ERCC6: variants seen among roughly 807,000 people sequenced by gnomAD.
The protein encoded by ERCC6 is DNA excision repair protein ERCC-6.
In ERCC6, 116 loss-of-function variants were observed where a neutral mutation model predicts 158.7. The observed-to-expected ratio is 0.73, with a 90% CI of 0.63 to 0.85. The LOEUF is 0.85. ERCC6 is among the 40% of genes least tolerant of loss of function. The pLI, the probability that ERCC6 is intolerant of heterozygous loss-of-function variation, is 0.00. For missense variants in ERCC6, 1,698 were observed against 1,799.4 expected, an observed-to-expected ratio of 0.94 and a Z score of 1.02; for synonymous variants, 678 against 659.3, an observed-to-expected ratio of 1.03 and a Z score of -0.43.
intron 1 of ERCC6, among the ~76,000 whole-genome samples, chr10:49,537,135 G>A (rs947359023): frequency 1.3e-5 from 2 of 152,106 alleles, no homozygotes; most frequent in African/African-American, 2.4e-5. Flanking sequence ...CACGAGGTCA[G>A]AAGTTCGAGA....
rs1293406842 is a variant in ERCC6, at chr10:49,524,026, G to A, written c.1397+7C>T. On this transcript the variant is annotated splice_region_variant and intron_variant, in intron 5 of 20. Coordinates refer to ENST00000355832, the MANE Select transcript of ERCC6 (RefSeq NM_000124.4). ...GTACAATGTATTTATAATCCCCACA[G>A]ACCGACCTTAACCGCTGCTTATAAT... 2 of 1,612,678 alleles carry A rather than the reference G, an allele frequency of 1.2e-6. No individual in the cohort carries two copies. The highest frequency in any genetic ancestry group is 2.2e-5 in the East Asian group (1 of 44,894).
At chr10:49,507,335 A>T (rs1459090322) in intron 5 of ERCC6, among the ~76,000 whole-genome samples, 1 of 152,206 alleles carries the variant, frequency 6.6e-6, no homozygotes, top group East Asian at 1.9e-4. Flanking sequence ...AATAAGATCA[A>T]TGAAGCACTG....
intron 18 of ERCC6, among the ~76,000 whole-genome samples, chr10:49,462,276 T>G (rs1469602324): frequency 6.6e-6 from 1 of 152,138 alleles, no homozygotes; most frequent in African/African-American, 2.4e-5. Context: ...AAAACTTATT[T>G]GAAATAAATG....
At chr10:49,514,924 A>G (rs1836902325) in intron 5 of ERCC6, among the ~76,000 whole-genome samples, 1 of 152,206 alleles carries the variant, frequency 6.6e-6, no homozygotes. Context: ...TAATTGGCAA[A>G]TCTGAGCAGA....
intron 5 of ERCC6, chr10:49,515,196 A>T: frequency 7.6e-7 from 1 of 1,310,238 alleles, no homozygotes; most frequent in African/African-American, 1.5e-5. Context: ...AAGGAACAAA[A>T]ATTTGAAGAG....
the ERCC6 span, among the ~76,000 whole-genome samples, chr10:49,439,811 GTTCAA>G: frequency 6.6e-6 from 1 of 152,128 alleles, no homozygotes; most frequent in Non-Finnish European, 1.5e-5. Flanking sequence ...TTGCTCTCAA[GTTCAA>G]AGTCCCACAC....
intron 8 of ERCC6, among the ~76,000 whole-genome samples, chr10:49,486,802 G>A (rs1488838680): frequency 6.6e-6 from 1 of 152,224 alleles, no homozygotes; most frequent in Non-Finnish European, 1.5e-5. Context: ...AGTAGGACTA[G>A]ATCCTATTAC....
chr10:49,511,668 TG>T (rs1463553561), intron 5 of ERCC6, among the ~76,000 whole-genome samples: 1 of 152,192 alleles, frequency 6.6e-6, no homozygotes, highest in Non-Finnish European at 1.5e-5. Flanking sequence ...TCAAGTGATC[TG>T]CCTGCCTTGC....
At chr10:49,465,605 TGGG>T (rs1850661260) in intron 18 of ERCC6, among the ~76,000 whole-genome samples, 1 of 152,176 alleles carries the variant, frequency 6.6e-6, no homozygotes, top group Non-Finnish European at 1.5e-5. Flanking sequence ...CCACATGTCA[TGGG>T]AGGAATCTGG....
intron 8 of ERCC6, among the ~76,000 whole-genome samples, chr10:49,484,648 G>A (rs1283364294): frequency 1.3e-5 from 2 of 152,164 alleles, no homozygotes; most frequent in Non-Finnish European, 2.9e-5. Flanking sequence ...GCTCAGGCAA[G>A]AAGATCCCTT....
At chr10:49,491,672 T>C (rs1851175361) in intron 8 of ERCC6, among the ~76,000 whole-genome samples, 1 of 152,214 alleles carries the variant, frequency 6.6e-6, no homozygotes, top group African/African-American at 2.4e-5. Context: ...CTTCAAACTA[T>C]GGTGACAAAG....
At position 49,455,501 on chromosome 10, in the gene ERCC6, T is replaced by C. The variant is rs1186544061; in HGVS notation, c.*3314A>G. On this transcript the variant is annotated 3_prime_UTR_variant, in exon 21 of 21. Transcript: ENST00000355832. ...CTTGCCCATGAATGGCAAAACACAA[T>C]GCAAAGCACCAAATGACAGCGTGAG... The C allele has an allele frequency of 1.3e-5, 2 of 152,158 alleles. No homozygotes were observed. Among genetic ancestry groups the C allele is most frequent in the African/African-American group, 2.4e-5 (1 of 41,428 alleles). The allele number at this position is 152,158 out of a possible 1,614,324, so 9.4% of individuals were successfully genotyped here.
In ERCC6 at chr10:49,455,289, C is replaced by T. The variant is rs1346116097; in HGVS notation, c.*3526G>A. ...TTTAATAAAATGAGGCCTATCATAA[C>T]ACTAATCAGAAACATTATATTAATT... On this transcript the variant is annotated 3_prime_UTR_variant, in exon 21 of 21. Coordinates refer to ENST00000355832, the MANE Select transcript of ERCC6 (RefSeq NM_000124.4). 2 of 152,148 alleles carry T rather than the reference C, an allele frequency of 1.3e-5. No individual in the cohort carries two copies. Among genetic ancestry groups the T allele is most frequent in the African/African-American group, 2.4e-5 (1 of 41,438 alleles). 9.4% of individuals were successfully genotyped at this position (152,148 alleles called of 1,614,324 possible).
At chr10:49,534,873 C>T (rs757070594) in intron 1 of ERCC6, among the ~76,000 whole-genome samples, 14 of 152,058 alleles carry the variant, frequency 9.2e-5, no homozygotes, top group South Asian at 2.1e-4. Flanking sequence ...AATAAAGCAC[C>T]GGGATACAAA....
chr10:49,533,106 A>T, intron 1 of ERCC6, 128 bp from the exon 2 acceptor site: 1 of 1,158,892 alleles, frequency 8.6e-7, no homozygotes, highest in Non-Finnish European at 1.2e-6. Flanking sequence ...CATAAATTCA[A>T]GTTTCCAAGT....
chr10:49,534,277 G>A (rs1467065697), intron 1 of ERCC6, among the ~76,000 whole-genome samples: 2 of 152,180 alleles, frequency 1.3e-5, no homozygotes, highest in Non-Finnish European at 2.9e-5. Flanking sequence ...ACATAGTGCT[G>A]CTGAGAATAT....
intron 5 of ERCC6, among the ~76,000 whole-genome samples, chr10:49,506,750 T>C (rs1420171440): frequency 2.6e-5 from 4 of 152,074 alleles, no homozygotes; most frequent in Admixed American, 6.6e-5. Flanking sequence ...GGTGCACCCA[T>C]TTAACCAGAC....
chr10:49,480,549 C>T (rs1395271281), intron 10 of ERCC6, among the ~76,000 whole-genome samples: 1 of 152,194 alleles, frequency 6.6e-6, no homozygotes, highest in Non-Finnish European at 1.5e-5. Flanking sequence ...GATAAGTACA[C>T]AAATTCCTGA....
Position 49,490,300 on chromosome 10 carries a change from T to C in ERCC6, c.1821+2817A>G, listed in dbSNP as rs566840578. 1.4e-4 allele frequency among the ~76,000 whole-genome samples: 21 copies of C among 151,572 alleles called. No individual in the cohort carries two copies. The South Asian group carries it at 2.5e-3, about 18-fold the overall frequency. On this transcript the variant is annotated intron_variant, in intron 8 of 20. Coordinates refer to ENST00000355832, the MANE Select transcript of ERCC6 (RefSeq NM_000124.4). ...AGGGCAACTTGGGGAAGAAGAATGA[T>C]AGATGTGCTTAATTGAGAAATTGAC...
Sources: gnomAD v4.1 joint callset for allele counts (sites outside exome capture counted in the v4.1 genomes callset) on GRCh38, gnomAD v4.1.1 for gene constraint, MANE v1.5 for transcripts, NCBI Gene and HGNC (gene_info 2026-07-23, HGNC 2026-07-21) for gene names.